Variants in PACRG observed in about 807,000 individuals in gnomAD.
The protein encoded by PACRG is parkin coregulated gene protein.
In PACRG, 29 loss-of-function variants were observed where a neutral mutation model predicts 29.7. The ratio of observed to expected loss-of-function variants is 0.98; its 90% CI spans 0.73 to 1.33. The LOEUF (loss-of-function observed/expected upper bound fraction) is 1.33. Among genes scored for constraint, PACRG ranks in the 40% most tolerant of loss-of-function variants. The probability of loss-of-function intolerance (pLI) is 0.00; values close to 1 mark genes in which losing one functional copy is unlikely to be tolerated. For missense variants in PACRG, 279 were observed against 316.2 expected, an observed-to-expected ratio of 0.88 and a Z score of 0.89; for synonymous variants, 116 against 118.7, an observed-to-expected ratio of 0.98 and a Z score of 0.15.
intron 3 of PACRG, among the ~76,000 whole-genome samples, chr6:163,067,754 T>G (rs542585657): frequency 3.0e-4 from 45 of 152,320 alleles, no homozygotes; most frequent in African/African-American, 1.1e-3. Context: ...TCATGTTGAT[T>G]AGAATTTAAC....
At chr6:162,880,011 C>T (rs936356968) in intron 2 of PACRG, among the ~76,000 whole-genome samples, 9 of 152,140 alleles carry the variant, frequency 5.9e-5, no homozygotes, top group African/African-American at 2.2e-4. Flanking sequence ...ACTTCTGTGT[C>T]GAGGTCAAAC....
At chr6:163,096,213 A>C (rs1814569395) in intron 4 of PACRG, among the ~76,000 whole-genome samples, 1 of 152,194 alleles carries the variant, frequency 6.6e-6, no homozygotes. Flanking sequence ...CACACTTCCA[A>C]CAGCTCTGGA....
chr6:162,893,274 C>G (rs1277412314), intron 2 of PACRG, among the ~76,000 whole-genome samples: 5 of 152,154 alleles, frequency 3.3e-5, no homozygotes, highest in African/African-American at 1.2e-4. Context: ...CCTTAACTTA[C>G]CGAGAAATTT....
At chr6:162,920,843 G>C (rs1047260516) in intron 2 of PACRG, among the ~76,000 whole-genome samples, 2 of 152,170 alleles carry the variant, frequency 1.3e-5, no homozygotes, top group Middle Eastern at 6.8e-3. Flanking sequence ...GTTTAAATTA[G>C]AGCTTGTTTT....
rs527767630 is a variant in PACRG at position 162,784,502 on chromosome 6, A to G, written c.157-29645A>G. Reference sequence around the variant, plus strand: ...TGTGATCCAAAAATAAGCTTGTACTATTTTCAGACACTGAAGGTTTTTTTT... The same window carrying G: ...TGTGATCCAAAAATAAGCTTGTACTGTTTTCAGACACTGAAGGTTTTTTTT... On this transcript the variant is annotated intron_variant, in intron 1 of 4. Coordinates refer to ENST00000366888, the MANE Select transcript of PACRG (RefSeq NM_001080379.2). Among the ~76,000 whole-genome samples the G allele has an allele frequency of 7.2e-5, 11 of 152,148 alleles. No homozygotes were observed. The East Asian group carries it at 2.1e-3, about 29-fold the overall frequency.
intron 1 of PACRG, among the ~76,000 whole-genome samples, chr6:162,743,046 T>C (rs1205482831): frequency 6.6e-6 from 1 of 152,204 alleles, no homozygotes; most frequent in Non-Finnish European, 1.5e-5. Context: ...TTATCTTTTG[T>C]CTTTTTGATG....
intron 4 of PACRG, among the ~76,000 whole-genome samples, chr6:163,273,270 ATTG>A (rs2128181004): frequency 6.6e-6 from 1 of 152,262 alleles, no homozygotes; most frequent in South Asian, 2.1e-4. Context: ...ACATTGGTCT[ATTG>A]TTTGTTCTCT....
chr6:162,886,230 C>T (rs147323858), intron 2 of PACRG, among the ~76,000 whole-genome samples: 77 of 152,226 alleles, frequency 5.1e-4, no homozygotes, highest in Non-Finnish European at 9.0e-4. Flanking sequence ...GGCTTGCAAG[C>T]TCTTTTTTAA....
intron 2 of PACRG, among the ~76,000 whole-genome samples, chr6:162,937,463 G>A (rs1798314063): frequency 6.6e-6 from 1 of 152,064 alleles, no homozygotes; most frequent in South Asian, 2.1e-4. Context: ...TCACATGGAG[G>A]CCAAGAGACA....
chr6:163,184,821 T>C (rs1352246951), intron 4 of PACRG: 1 of 152,032 alleles, frequency 6.6e-6, no homozygotes, highest in Non-Finnish European at 1.5e-5. Flanking sequence ...GAGAGAAAGC[T>C]CACCATTCTT....
chr6:162,870,887 C>G (rs1792748563), intron 2 of PACRG, among the ~76,000 whole-genome samples: 1 of 152,284 alleles, frequency 6.6e-6, no homozygotes, highest in African/African-American at 2.4e-5. Context: ...TTCCTTCCTC[C>G]CTCCTTCTCT....
chr6:162,980,190 G>GCACA (rs57784208), intron 2 of PACRG, among the ~76,000 whole-genome samples: 1 of 141,160 alleles, frequency 7.1e-6, no homozygotes, highest in East Asian at 2.1e-4. Context: ...ACACACACAC[G>GCACA]CACACACACA....
At chr6:163,217,386 A>G (rs1271175651) in intron 4 of PACRG, among the ~76,000 whole-genome samples, 2 of 152,194 alleles carry the variant, frequency 1.3e-5, no homozygotes, top group African/African-American at 4.8e-5. Context: ...GTTCCAGGGG[A>G]GGCCCAGTCA....
chr6:162,921,685 C>A (rs796601784), intron 2 of PACRG, among the ~76,000 whole-genome samples: 29 of 152,238 alleles, frequency 1.9e-4, no homozygotes, highest in African/African-American at 6.0e-4. Context: ...TAATTGTATA[C>A]ACTTATTGGA....
intron 4 of PACRG, among the ~76,000 whole-genome samples, chr6:163,242,499 T>C (rs554173368): frequency 1.3e-5 from 2 of 152,198 alleles, no homozygotes; most frequent in Non-Finnish European, 2.9e-5. Context: ...CAATTATCTT[T>C]CTTTGGTTGT....
chr6:163,169,338 C>T (rs1778957791), intron 4 of PACRG, among the ~76,000 whole-genome samples: 1 of 152,138 alleles, frequency 6.6e-6, no homozygotes, highest in East Asian at 1.9e-4. Flanking sequence ...GAAAATGAGG[C>T]GTCGGTGGGA....
At chr6:163,045,614 C>T (rs187714872) in intron 2 of PACRG, among the ~76,000 whole-genome samples, 129 of 139,208 alleles carry the variant, frequency 9.3e-4, no homozygotes, top group African/African-American at 3.3e-3. Flanking sequence ...TGAGCTACTG[C>T]GCCCAGCTTT....
intron 2 of PACRG, among the ~76,000 whole-genome samples, chr6:162,902,524 G>A (rs1050239530): frequency 6.6e-6 from 1 of 152,130 alleles, no homozygotes; most frequent in African/African-American, 2.4e-5. Context: ...TCACTTTGTA[G>A]TTATGCCCAG....
intron 1 of PACRG, among the ~76,000 whole-genome samples, chr6:162,808,432 T>C (rs1317298045): frequency 6.6e-6 from 1 of 152,232 alleles, no homozygotes; most frequent in Non-Finnish European, 1.5e-5. Flanking sequence ...TAAAAGTCTT[T>C]TTTAAACAGC....
Sources: allele counts gnomAD v4.1 joint callset (sites outside exome capture counted in the v4.1 genomes callset), GRCh38; gene constraint gnomAD v4.1.1; transcripts MANE v1.5; gene names NCBI Gene and HGNC (gene_info 2026-07-23, HGNC 2026-07-21).